The following MAGI2 variants were observed in gnomAD, a reference collection of about 807,000 sequenced individuals.
The protein encoded by MAGI2 is membrane associated guanylate kinase, WW and PDZ domain containing 2, also known as membrane-associated guanylate kinase, WW and PDZ domain-containing protein 2.
MAGI2 carries 35 observed loss-of-function variants against 133.3 expected under a neutral mutation model. The observed-to-expected ratio is 0.26, with a 90% confidence interval of 0.20 to 0.35. MAGI2 has a LOEUF of 0.35. MAGI2 is among the 10% of genes least tolerant of loss of function. The pLI is 1.00. For missense variants in MAGI2, 1,636 were observed against 1,863.4 expected, an observed-to-expected ratio of 0.88 and a Z score of 2.25; for synonymous variants, 729 against 710.6, an observed-to-expected ratio of 1.03 and a Z score of -0.41.
At chr7:79,280,666 T>C (rs1312786731) in intron 1 of MAGI2, among the ~76,000 whole-genome samples, 1 of 152,014 alleles carries the variant, frequency 6.6e-6, no homozygotes, top group African/African-American at 2.4e-5. Flanking sequence ...CCATGACTTA[T>C]GCCTGTAACC....
At chr7:79,249,616 A>G (rs971193362) in intron 1 of MAGI2, among the ~76,000 whole-genome samples, 2 of 152,172 alleles carry the variant, frequency 1.3e-5, no homozygotes, top group African/African-American at 4.8e-5. Flanking sequence ...CCAAAACCTG[A>G]GCAGATCAAT....
At chr7:78,483,685 T>C (rs1478951805) in intron 6 of MAGI2, among the ~76,000 whole-genome samples, 1 of 151,930 alleles carries the variant, frequency 6.6e-6, no homozygotes, top group African/African-American at 2.4e-5. Flanking sequence ...TGAGTACTTC[T>C]GACCCGAAAA....
intron 14 of MAGI2, among the ~76,000 whole-genome samples, chr7:78,175,917 C>T (rs192140905): frequency 6.6e-6 from 1 of 152,266 alleles, no homozygotes; most frequent in Non-Finnish European, 1.5e-5. Flanking sequence ...GGAAGCCAAG[C>T]TGTATAAATA....
chr7:78,356,747 C>T (rs563047005), intron 7 of MAGI2, among the ~76,000 whole-genome samples: 3 of 152,298 alleles, frequency 2.0e-5, no homozygotes, highest in Non-Finnish European at 4.4e-5. Flanking sequence ...CTTCTCACCC[C>T]ACCTGTGCTA....
chr7:78,083,550 G>A (rs1248673025), intron 20 of MAGI2, among the ~76,000 whole-genome samples: 1 of 152,148 alleles, frequency 6.6e-6, no homozygotes, highest in Non-Finnish European at 1.5e-5. Flanking sequence ...GGACTTAAGA[G>A]GAATTCTAAG....
At chr7:78,125,545 C>T in intron 20 of MAGI2, 149 bp downstream of exon 20, 1 of 658,580 alleles carries the variant, frequency 1.5e-6, no homozygotes, top group Non-Finnish European at 2.4e-6. Context: ...AGCAAGTGGC[C>T]AGACTTTTAA....
intron 2 of MAGI2, among the ~76,000 whole-genome samples, chr7:78,675,888 G>C (rs778038770): frequency 6.6e-5 from 10 of 152,108 alleles, no homozygotes; most frequent in Non-Finnish European, 1.3e-4. Flanking sequence ...AACTCAACTA[G>C]TGTTCCATGC....
At chr7:78,365,464 A>G (rs1793281914) in intron 7 of MAGI2, among the ~76,000 whole-genome samples, 1 of 152,216 alleles carries the variant, frequency 6.6e-6, no homozygotes, top group Admixed American at 6.5e-5. Flanking sequence ...TCCAAATTTC[A>G]GCCCCTCATC....
intron 5 of MAGI2, among the ~76,000 whole-genome samples, chr7:78,500,813 G>A (rs944761544): frequency 1.3e-5 from 2 of 151,898 alleles, no homozygotes; most frequent in South Asian, 2.1e-4. Context: ...TTTTGGCTGG[G>A]CGCAGTGGCT....
At position 78,070,552 on chromosome 7, in the gene MAGI2, G is replaced by A. The variant is rs542983474; in HGVS notation, c.3706+8395C>T. Among the ~76,000 whole-genome samples the A allele has an allele frequency of 2.8e-5, 3 of 106,208 alleles. No individual in the cohort carries two copies. In the South Asian group the frequency reaches 8.2e-4, roughly 29 times the overall value. The allele number at this position is 106,208 out of a possible 152,430, so 69.7% of individuals were successfully genotyped here. A position where few individuals can be genotyped will look rare whatever the true frequency, so the allele number is the denominator to read the frequency against. On this transcript the variant is annotated intron_variant, in intron 21 of 21. Coordinates refer to ENST00000354212, the MANE Select transcript of MAGI2 (RefSeq NM_012301.4). ...TATATGTGTACATATGTATATATGTGTATATATGTATATATATGTGTGTAT... is the reference window on the plus strand; with the variant it reads ...TATATGTGTACATATGTATATATGTATATATATGTATATATATGTGTGTAT...
At chr7:78,373,737 T>C (rs1794166031) in intron 6 of MAGI2, among the ~76,000 whole-genome samples, 1 of 152,090 alleles carries the variant, frequency 6.6e-6, no homozygotes, top group Admixed American at 6.6e-5. Context: ...TTTTCAACTC[T>C]TTTCCCCCTC....
At chr7:78,445,873 TTTC>T (rs745479964) in intron 6 of MAGI2, among the ~76,000 whole-genome samples, 1 of 151,934 alleles carries the variant, frequency 6.6e-6, no homozygotes, top group East Asian at 1.9e-4. Context: ...ATACAATTTT[TTTC>T]TTTTTGTATT....
chr7:79,096,563 A>G (rs1236327762), intron 1 of MAGI2, among the ~76,000 whole-genome samples: 1 of 152,170 alleles, frequency 6.6e-6, no homozygotes, highest in African/African-American at 2.4e-5. Flanking sequence ...TGAAGTTCTG[A>G]TGAATACACA....
chr7:78,637,637 C>G (rs1229222115), intron 2 of MAGI2, among the ~76,000 whole-genome samples: 2 of 152,188 alleles, frequency 1.3e-5, no homozygotes, highest in Non-Finnish European at 2.9e-5. Context: ...CAAATGAAAT[C>G]AGGTGATAGG....
intron 9 of MAGI2, among the ~76,000 whole-genome samples, chr7:78,276,935 A>G (rs1378545395): frequency 2.0e-5 from 3 of 152,160 alleles, no homozygotes; most frequent in Non-Finnish European, 4.4e-5. Context: ...ATAGAGACCT[A>G]GGTCCTAAGC....
intron 2 of MAGI2, among the ~76,000 whole-genome samples, chr7:78,662,582 TA>T (rs1300187657): frequency 6.6e-6 from 1 of 152,186 alleles, no homozygotes; most frequent in Non-Finnish European, 1.5e-5. Flanking sequence ...TGCCAAATTT[TA>T]TTTATTTCCA....
chr7:78,119,731 G>C (rs1820241929), intron 20 of MAGI2, among the ~76,000 whole-genome samples: 1 of 152,032 alleles, frequency 6.6e-6, no homozygotes, highest in Non-Finnish European at 1.5e-5. Context: ...GTGGGGCAGG[G>C]AGTATAAGGA....
intron 2 of MAGI2, among the ~76,000 whole-genome samples, chr7:78,660,274 TAAA>T (rs1453253610): frequency 2.0e-5 from 3 of 151,884 alleles, no homozygotes; most frequent in African/African-American, 7.3e-5. Context: ...AGTATAATAA[TAAA>T]AATAATAAAA....
chr7:78,313,776 A>T lies in MAGI2; in HGVS notation c.1408+30002T>A, dbSNP rs907522033. On this transcript the variant is annotated intron_variant, in intron 9 of 21. Coordinates refer to ENST00000354212, the MANE Select transcript of MAGI2 (RefSeq NM_012301.4). ...CATTTCTTTTCAGAGACGGAAAAAAAATCATATGCTTATTTGCTATTTAAT... is the reference window on the plus strand; with the variant it reads ...CATTTCTTTTCAGAGACGGAAAAAATATCATATGCTTATTTGCTATTTAAT... 2.6e-5 allele frequency among the ~76,000 whole-genome samples: 4 copies of T among 152,132 alleles called. No homozygotes were observed. The East Asian group carries it at 7.7e-4, about 29-fold the overall frequency.
Sources: allele counts gnomAD v4.1 joint callset (sites outside exome capture counted in the v4.1 genomes callset), GRCh38; gene constraint gnomAD v4.1.1; transcripts MANE v1.5; gene names NCBI Gene and HGNC (gene_info 2026-07-23, HGNC 2026-07-21).